Variants in MORC3 observed in about 807,000 individuals in gnomAD.
MORC3 encodes MORC family CW-type zinc finger 3.
A neutral mutation model predicts 109.1 loss-of-function variants in MORC3; 31 were observed. The observed-to-expected ratio is 0.28, with a 90% CI of 0.21 to 0.38. MORC3 has a LOEUF of 0.38. Among genes scored for constraint, MORC3 ranks in the 10% least tolerant of loss-of-function variants. The pLI is 1.00. For synonymous variants in MORC3, 395 were observed against 380.7 expected (o/e 1.04, Z -0.44); for missense variants, 867 against 1,135.8 (o/e 0.76, Z 3.40).
intron 1 of MORC3, among the ~76,000 whole-genome samples, chr21:36,330,184 C>G (rs1032487365): frequency 2.0e-5 from 3 of 151,986 alleles, no homozygotes; most frequent in Non-Finnish European, 4.4e-5. Context: ...CCTGGCCATT[C>G]CCTTTTTTTT....
chr21:36,372,084 A>G (rs1340167533), intron 15 of MORC3, among the ~76,000 whole-genome samples: 1 of 152,018 alleles, frequency 6.6e-6, no homozygotes, highest in Non-Finnish European at 1.5e-5. Flanking sequence ...AAGTGCTGGG[A>G]TTATAGGCGT....
intron 1 of MORC3, among the ~76,000 whole-genome samples, chr21:36,326,976 C>A (rs974025706): frequency 6.6e-6 from 1 of 151,330 alleles, no homozygotes; most frequent in Admixed American, 6.6e-5. Flanking sequence ...CCACCACGCC[C>A]GGCTAATTTT....
At chr21:36,324,169 C>T (rs2085223178) in intron 1 of MORC3, among the ~76,000 whole-genome samples, 1 of 152,218 alleles carries the variant, frequency 6.6e-6, no homozygotes, top group East Asian at 1.9e-4. Context: ...GGCACCGAGC[C>T]CGGCCACCAT....
intron 2 of MORC3, among the ~76,000 whole-genome samples, chr21:36,336,496 AG>A (rs1205500749): frequency 1.3e-5 from 2 of 152,120 alleles, no homozygotes; most frequent in African/African-American, 4.8e-5. Flanking sequence ...TGCCCGCCTC[AG>A]CCTCCCAAAG....
At chr21:36,324,329 G>A (rs1456718443) in intron 1 of MORC3, among the ~76,000 whole-genome samples, 1 of 151,106 alleles carries the variant, frequency 6.6e-6, no homozygotes, top group Admixed American at 6.6e-5. Flanking sequence ...CCAGGCTGGA[G>A]TGCAGTGGCG....
intron 16 of MORC3, 41 bp from the exon 17 acceptor site, chr21:36,375,102 T>C (rs915590846): frequency 6.4e-7 from 1 of 1,567,412 alleles, no homozygotes; most frequent in African/African-American, 1.4e-5. Context: ...GAATCTTAAC[T>C]TGTAATGCTC....
chr21:36,367,271 C>T (rs891660802), intron 14 of MORC3, among the ~76,000 whole-genome samples: 11 of 152,182 alleles, frequency 7.2e-5, no homozygotes, highest in African/African-American at 2.4e-4. Flanking sequence ...TCACTGGGCT[C>T]CAAGAGAGAA....
At chr21:36,358,934 C>A (rs1266641296) in intron 10 of MORC3, among the ~76,000 whole-genome samples, 1 of 152,082 alleles carries the variant, frequency 6.6e-6, no homozygotes, top group Non-Finnish European at 1.5e-5. Context: ...CCGCGTCAGC[C>A]TCCCAAAGTG....
chr21:36,360,123 T>C (rs1433723895), intron 11 of MORC3, 46 bp downstream of exon 11: 5 of 1,614,010 alleles, frequency 3.1e-6, no homozygotes, highest in Non-Finnish European at 4.2e-6. Context: ...CGGAAAGTAC[T>C]GTTCACAGTG....
intron 9 of MORC3, among the ~76,000 whole-genome samples, chr21:36,352,589 T>C (rs1258836123): frequency 6.6e-6 from 1 of 152,134 alleles, no homozygotes; most frequent in Non-Finnish European, 1.5e-5. Flanking sequence ...AGCATTTCCT[T>C]TGGGTATCAT....
At chr21:36,364,395 T>G in intron 14 of MORC3, 136 bp downstream of exon 14, 1 of 981,014 alleles carries the variant, frequency 1.0e-6, no homozygotes, top group Non-Finnish European at 1.5e-6. Flanking sequence ...GTGAAAATCT[T>G]CAGGACAAAT....
At chr21:36,342,251 C>A (rs909141839) in intron 6 of MORC3, among the ~76,000 whole-genome samples, 34 of 152,096 alleles carry the variant, frequency 2.2e-4, no homozygotes, top group East Asian at 1.7e-3. Flanking sequence ...CACACACACA[C>A]AAAAAATTTA....
intron 1 of MORC3, among the ~76,000 whole-genome samples, chr21:36,324,658 T>C (rs557416597): frequency 6.6e-5 from 10 of 152,154 alleles, no homozygotes; most frequent in African/African-American, 2.4e-4. Flanking sequence ...TGTATTGTTT[T>C]TGGTTTCTAA....
intron 8 of MORC3, 110 bp from the exon 9 acceptor site, chr21:36,349,201 A>C (rs866579047): frequency 9.7e-6 from 7 of 718,648 alleles, no homozygotes; most frequent in African/African-American, 9.4e-5. Flanking sequence ...TGTGATGAGA[A>C]TCATACAAGA....
chr21:36,348,780 A>G (rs2085540583), intron 8 of MORC3, among the ~76,000 whole-genome samples: 1 of 152,160 alleles, frequency 6.6e-6, no homozygotes, highest in African/African-American at 2.4e-5. Context: ...TCAACAATCA[A>G]AGGGTTTTTG....
intron 4 of MORC3, among the ~76,000 whole-genome samples, chr21:36,338,312 A>G (rs538664606): frequency 1.3e-5 from 2 of 152,324 alleles, no homozygotes; most frequent in Admixed American, 6.5e-5. Context: ...AATATTAGAA[A>G]GTATTAAGTT....
At chr21:36,365,123 G>C (rs1409924634) in intron 14 of MORC3, among the ~76,000 whole-genome samples, 1 of 150,530 alleles carries the variant, frequency 6.6e-6, no homozygotes, top group Non-Finnish European at 1.5e-5. Context: ...TCTTTGCAAA[G>C]CCTATGGCAC....
Position 36,322,382 on chromosome 21 carries a change from TA to T in MORC3, c.39+2080del. 1.3e-5 allele frequency among the ~76,000 whole-genome samples: 2 copies of T among 152,190 alleles called. 1 individual carries two copies. The highest frequency in any genetic ancestry group is 3.8e-4 in the East Asian group (2 of 5,196). On this transcript the variant is annotated intron_variant, in intron 1 of 16. Coordinates refer to ENST00000400485, the MANE Select transcript of MORC3 (RefSeq NM_015358.3). The stretch of plus-strand genomic sequence containing the variant: ...GTGTATACACTTTTTTATTTTATTT[TA>T]TTTTTTTGAGGTAGAGTTTCACTCA...
In MORC3 at chr21:36,337,718, T is replaced by C. The variant is rs772453312; in HGVS notation, c.246-14T>C. 5.2e-6 allele frequency: 8 copies of C among 1,543,996 alleles called. No homozygotes were observed. The East Asian group carries it at 1.8e-4, about 35-fold the overall frequency. ...ATAGGTATTTATTTTTAAAAATCTT[T>C]ATTTTCTTCTTAGCTTTGGCTTCAG... On this transcript the variant is annotated splice_polypyrimidine_tract_variant and intron_variant, in intron 3 of 16. Coordinates refer to ENST00000400485, the MANE Select transcript of MORC3 (RefSeq NM_015358.3).
Sources: allele counts gnomAD v4.1 joint callset (sites outside exome capture counted in the v4.1 genomes callset), GRCh38; gene constraint gnomAD v4.1.1; transcripts MANE v1.5; gene names NCBI Gene and HGNC (gene_info 2026-07-23, HGNC 2026-07-21).